The following SMG1 variants were observed in gnomAD, a reference collection of about 807,000 sequenced individuals.
The protein encoded by SMG1 is SMG1 nonsense mediated mRNA decay associated PI3K related kinase.
A neutral mutation model predicts 419.9 loss-of-function variants in SMG1; 22 were observed. That is an observed-to-expected ratio of 0.05 (90% confidence interval 0.04 to 0.07). The LOEUF is 0.07. Among genes scored for constraint, SMG1 ranks in the 10% least tolerant of loss-of-function variants. SMG1 has a pLI of 1.00. For missense variants in SMG1, 3,185 were observed against 4,342.0 expected, an observed-to-expected ratio of 0.73 and a Z score of 7.49; for synonymous variants, 1,538 against 1,553.5, an observed-to-expected ratio of 0.99 and a Z score of 0.23.
At chr16:18,809,670 T>C (rs1319919011) in intron 62 of SMG1, 24 bp from the exon 63 acceptor site, 14 of 1,542,900 alleles carry the variant, frequency 9.1e-6, no homozygotes, top group Non-Finnish European at 1.2e-5. Flanking sequence ...CAGGATAGTA[T>C]GTAAAGTCAT....
chr16:18,851,944 G>C (rs1363464614), intron 33 of SMG1, 123 bp downstream of exon 33: 2 of 1,056,796 alleles, frequency 1.9e-6, no homozygotes, highest in African/African-American at 3.3e-5. Flanking sequence ...AAATGCAGAA[G>C]TTTTTATTTA....
At chr16:18,847,746 T>C in intron 37 of SMG1, 70 bp downstream of exon 37, 3 of 1,579,096 alleles carry the variant, frequency 1.9e-6, no homozygotes, top group Non-Finnish European at 2.6e-6. Flanking sequence ...TGATTGTCAA[T>C]ACAGATTGGC....
At chr16:18,863,141 T>A (rs2035300691) in intron 25 of SMG1, among the ~76,000 whole-genome samples, 1 of 152,228 alleles carries the variant, frequency 6.6e-6, no homozygotes, top group African/African-American at 2.4e-5. Context: ...AAGGCAAGGG[T>A]ATCAGACAAA....
chr16:18,845,848 G>C (rs1454568279), intron 38 of SMG1, among the ~76,000 whole-genome samples, 197 bp from the exon 39 acceptor site: 4 of 151,310 alleles, frequency 2.6e-5, no homozygotes, highest in African/African-American at 9.7e-5. Context: ...ACAGAGTTTT[G>C]CTCTGTCACC....
chr16:18,870,505 T>C, intron 18 of SMG1, 105 bp downstream of exon 18: 4 of 682,830 alleles, frequency 5.9e-6, no homozygotes, highest in South Asian at 3.9e-5. Flanking sequence ...CCATAAAAGA[T>C]GTGTCATTAA....
chr16:18,842,379 A>T lies in SMG1; in HGVS notation c.6295T>A (p.Leu2099Met). 1.2e-6 allele frequency: 2 copies of T among 1,613,978 alleles called. No individual in the cohort carries two copies. Among genetic ancestry groups the T allele is most frequent in the Non-Finnish European group, 1.7e-6 (2 of 1,179,854 alleles). Reference protein sequence around the residue: ...ILRLEEISPWLAAMTNTEIAL... With the variant: ...ILRLEEISPWMAAMTNTEIAL... Reference sequence around the variant, plus strand: ...ATTTCAGTGTTAGTCATGGCAGCCAACCATGGACTGATTTCTTCAAGACGC... The same window carrying T: ...ATTTCAGTGTTAGTCATGGCAGCCATCCATGGACTGATTTCTTCAAGACGC... Residue 2099 changes from leucine to methionine, a missense_variant, in exon 40 of 63, where the codon TTG becomes ATG. Leu to Met is a conservative substitution (Grantham distance 15). Coordinates refer to ENST00000446231, the MANE Select transcript of SMG1 (RefSeq NM_015092.5).
Position 18,815,423 on chromosome 16 carries a change from C to G in SMG1, c.10514+17G>C. ...TGTACTTATGTTTTATAAATTCTGA[C>G]CAGAAGGCATTCTTACCTCTGACTT... On this transcript the variant is annotated intron_variant, in intron 59 of 62. Coordinates refer to ENST00000446231, the MANE Select transcript of SMG1 (RefSeq NM_015092.5). 1 of 1,612,162 alleles carries G rather than the reference C, an allele frequency of 6.2e-7. No homozygotes were observed. The highest frequency in any genetic ancestry group is 8.5e-7 in the Non-Finnish European group (1 of 1,178,284).
At chr16:18,915,871 C>T (rs1289909314) in intron 1 of SMG1, among the ~76,000 whole-genome samples, 1 of 150,930 alleles carries the variant, frequency 6.6e-6, no homozygotes, top group Non-Finnish European at 1.5e-5. Context: ...GAGTTCAAGA[C>T]CAGCCTGGCC....
intron 29 of SMG1, 56 bp from the exon 30 acceptor site, chr16:18,854,960 GA>G: frequency 6.5e-7 from 1 of 1,533,612 alleles, no homozygotes; most frequent in Non-Finnish European, 8.8e-7. Context: ...AGACTGCATG[GA>G]AACATGGCCA....
intron 1 of SMG1, among the ~76,000 whole-genome samples, chr16:18,918,549 AG>A (rs1240596972): frequency 6.6e-6 from 1 of 151,924 alleles, no homozygotes; most frequent in Non-Finnish European, 1.5e-5. Context: ...CTGACCCTCC[AG>A]GTTTTTGTTT....
intron 23 of SMG1, 129 bp downstream of exon 23, chr16:18,866,492 G>C (rs146040405): frequency 9.9e-6 from 8 of 808,788 alleles, no homozygotes; most frequent in Non-Finnish European, 1.6e-5. Flanking sequence ...CTGGTGAAGT[G>C]ATTTATAGCA....
rs996639538 is a variant in SMG1 at position 18,838,678 on chromosome 16, T to A, written c.6957A>T (p.Arg2319Ser). The change falls in exon 43 of 63, where the codon AGA (arginine) becomes AGT (serine). Residue 2319 changes from arginine (R) to serine (S), a missense_variant. Physicochemically the swap from Arg to Ser is moderately radical, Grantham distance 110. This residue lies in a region of SMG1 where 132 missense variants were observed against 151.0 expected (regional missense o/e 0.87). Transcript: ENST00000446231. The part of the protein sequence containing the change: ...EWWRVTQSYA[R>S]STAVMSMVGY... ...CAACCATAGACATGACTGCAGTAGATCTTGCATAAGACTAAAGGAAAGGAA... is the reference window on the plus strand; with the variant it reads ...CAACCATAGACATGACTGCAGTAGAACTTGCATAAGACTAAAGGAAAGGAA... The A allele has an allele frequency of 2.5e-6, 4 of 1,601,942 alleles. No homozygotes were observed. The highest frequency in any genetic ancestry group is 3.4e-6 in the Non-Finnish European group (4 of 1,174,560).
intron 1 of SMG1, among the ~76,000 whole-genome samples, chr16:18,916,521 A>G (rs374513731): frequency 0.081 from 12,041 of 148,660 alleles, 447 homozygotes; most frequent in African/African-American, 0.14. Flanking sequence ...CTCAAAAAAA[A>G]AAAAAAAAAA....
At chr16:18,902,064 C>T (rs1694364256) in intron 1 of SMG1, among the ~76,000 whole-genome samples, 1 of 151,998 alleles carries the variant, frequency 6.6e-6, no homozygotes, top group South Asian at 2.1e-4. Context: ...CATGGATCAG[C>T]TTGACCTCCA....
chr16:18,835,851 A>T, intron 48 of SMG1, 82 bp downstream of exon 48: 1 of 1,382,162 alleles, frequency 7.2e-7, no homozygotes, highest in Non-Finnish European at 9.8e-7. Flanking sequence ...GTGAGCCAAG[A>T]TCATGCCACC....
chr16:18,829,360 G>T lies in SMG1; in HGVS notation c.9529C>A (p.Arg3177=). The T allele has an allele frequency of 6.2e-7, 1 of 1,613,972 alleles. No homozygotes were observed. ...GAAGAAATACTGGTTTCTAGCCTTC[G>T]CACCAAGTCATGCTTCTTCCAGGCA... The part of the protein sequence containing the change: ...DTAWKKHDLV[R]RLETSISSCK... Residue 3177 remains arginine, a synonymous_variant, in exon 54 of 63, where the codon CGA becomes AGA. Coordinates refer to ENST00000446231, the MANE Select transcript of SMG1 (RefSeq NM_015092.5).
In SMG1 at chr16:18,902,541, T is replaced by C. The variant is rs1407225304; in HGVS notation, c.93-5585A>G. Among the ~76,000 whole-genome samples, 3 of 151,822 alleles carry C rather than the reference T, an allele frequency of 2.0e-5. No homozygotes were observed. The East Asian group carries it at 5.8e-4, about 29-fold the overall frequency. On this transcript the variant is annotated intron_variant, in intron 1 of 62. Coordinates refer to ENST00000446231, the MANE Select transcript of SMG1 (RefSeq NM_015092.5). ...ATATGGTGAAACTGTCTCTAAAAAA[T>C]ATAGAAAAACTAGCCAGGCGAGGTG...
chr16:18,896,378 C>T (rs1440147064), intron 2 of SMG1, among the ~76,000 whole-genome samples, 171 bp from the exon 3 acceptor site: 1 of 152,158 alleles, frequency 6.6e-6, no homozygotes, highest in Admixed American at 6.6e-5. Context: ...TTTTAATACA[C>T]CTTTGAAGTT....
chr16:18,827,995 G>T (rs1226865459), intron 55 of SMG1, 36 bp downstream of exon 55: 1 of 1,590,998 alleles, frequency 6.3e-7, no homozygotes, highest in Non-Finnish European at 8.6e-7. Context: ...TTTCTAAAAA[G>T]AAAATGCCCT....
Sources: allele counts gnomAD v4.1 joint callset (sites outside exome capture counted in the v4.1 genomes callset), GRCh38; gene constraint gnomAD v4.1.1; regional missense constraint gnomAD v4.1.1; transcripts MANE v1.5; gene names NCBI Gene and HGNC (gene_info 2026-07-23, HGNC 2026-07-21).